The following TRIM66 variants were observed in gnomAD, a reference collection of about 807,000 sequenced individuals.
TRIM66 encodes tripartite motif-containing protein 66.
TRIM66 carries 99 observed loss-of-function variants against 148.2 expected under a neutral mutation model. That is an observed-to-expected ratio of 0.67 (90% confidence interval 0.57 to 0.79). The LOEUF (loss-of-function observed/expected upper bound fraction) is 0.79, where lower values mean the gene tolerates loss of function less well. Among genes scored for constraint, TRIM66 ranks in the 30% least tolerant of loss-of-function variants. The pLI, the probability that TRIM66 is intolerant of heterozygous loss-of-function variation, is 0.00. For missense variants in TRIM66, 1,666 were observed against 1,697.9 expected (o/e 0.98, Z 0.33); for synonymous variants, 616 against 635.9 (o/e 0.97, Z 0.47).
At position 8,615,933 on chromosome 11, in the gene TRIM66, T is replaced by C. The variant is rs2033692449; in HGVS notation, c.*2011A>G. 1 of 152,358 alleles carries C rather than the reference T, an allele frequency of 6.6e-6. No individual in the cohort carries two copies. Among genetic ancestry groups the C allele is most frequent in the Non-Finnish European group, 1.5e-5 (1 of 68,130 alleles). 9.4% of individuals were successfully genotyped at this position (152,358 alleles called of 1,614,324 possible). On this transcript the variant is annotated 3_prime_UTR_variant, in exon 25 of 25. Transcript: ENST00000646038. ...AACAAAGTTCACAGGATGGTGGGAA[T>C]GTGGGCTGCACAAAGGAAAGATGAC...
chr11:8,624,093 A>G (rs1360777733), intron 17 of TRIM66, among the ~76,000 whole-genome samples: 1 of 152,194 alleles, frequency 6.6e-6, no homozygotes, highest in African/African-American at 2.4e-5. Context: ...CCCCCTAGGT[A>G]TAATGCAGAC....
In TRIM66 at chr11:8,679,910, T is replaced by A. The variant is rs1485803777; in HGVS notation, c.-394A>T. The A allele has an allele frequency of 2.6e-5, 4 of 152,300 alleles. No homozygotes were observed. Among genetic ancestry groups the A allele is most frequent in the Non-Finnish European group, 4.4e-5 (3 of 68,108 alleles). The allele number at this position is 152,300 out of a possible 1,614,324, so 9.4% of individuals were successfully genotyped here. On this transcript the variant is annotated 5_prime_UTR_variant, in exon 2 of 25. Coordinates refer to ENST00000646038, the MANE Select transcript of TRIM66 (RefSeq NM_001388022.1). ...GGCCCAGGCTCTGTACCTGACCACC[T>A]ATGCAGCGTCTGACAAGTCACCCAA...
Position 8,649,763 on chromosome 11 carries a change from G to A in TRIM66, c.569C>T (p.Pro190Leu). 6.4e-7 allele frequency: 1 copy of A among 1,551,550 alleles called. No individual in the cohort carries two copies. The highest frequency in any genetic ancestry group is 8.7e-7 in the Non-Finnish European group (1 of 1,147,006). Reference protein sequence around the residue: ...HSPVPGGPFFPRAQKGSPGVN... With the variant: ...HSPVPGGPFFLRAQKGSPGVN... The stretch of plus-strand genomic sequence containing the variant: ...ACCTGGAGATCCCTTCTGGGCCCGA[G>A]GAAAGAATGGGCCCCCGGGGACAGG... Residue 190 changes from proline (P) to leucine (L), a missense_variant, in exon 8 of 25, where the codon CCT becomes CTT. Around this residue, in one of 3 missense-constraint regions of TRIM66, gnomAD observed 1,431 missense variants for 1,412.4 expected, o/e 1.01. Coordinates refer to ENST00000646038, the MANE Select transcript of TRIM66 (RefSeq NM_001388022.1).
At chr11:8,635,060 G>A (rs2035758595) in intron 15 of TRIM66, among the ~76,000 whole-genome samples, 1 of 152,206 alleles carries the variant, frequency 6.6e-6, no homozygotes, top group South Asian at 2.1e-4. Flanking sequence ...TTCAAGGATT[G>A]TAAAGACAGG....
upstream of TRIM66, chr11:8,683,077 C>T (rs1482347616): frequency 1.4e-5 from 15 of 1,076,588 alleles, no homozygotes; most frequent in Non-Finnish European, 2.0e-5. Context: ...TCGGTACCCT[C>T]AGCTTTCCCA....
chr11:8,620,334 C>T (rs2034084890), intron 21 of TRIM66, 112 bp downstream of exon 21: 2 of 1,480,216 alleles, frequency 1.4e-6, no homozygotes, highest in African/African-American at 1.4e-5. Flanking sequence ...AGGCATAGGA[C>T]GAAGAAATGT....
chr11:8,662,053 C>T (rs112329022), intron 6 of TRIM66, among the ~76,000 whole-genome samples: 39 of 152,222 alleles, frequency 2.6e-4, no homozygotes, highest in East Asian at 3.9e-4. Context: ...CCAATTAAGG[C>T]GAGGAAACTG....
At chr11:8,677,396 G>A (rs1330485522) in intron 3 of TRIM66, among the ~76,000 whole-genome samples, 4 of 152,160 alleles carry the variant, frequency 2.6e-5, no homozygotes, top group Non-Finnish European at 2.9e-5. Flanking sequence ...TAAAACGAAT[G>A]AATGAATCTC....
chr11:8,662,505 G>C (rs1236490426), intron 6 of TRIM66, among the ~76,000 whole-genome samples: 4 of 152,062 alleles, frequency 2.6e-5, no homozygotes, highest in Admixed American at 6.5e-5. Context: ...AAGAAGCATC[G>C]GGCTATGGTA....
In TRIM66 at chr11:8,612,057, T is replaced by C. The variant is rs983672081; in HGVS notation, c.*5887A>G. The stretch of plus-strand genomic sequence containing the variant: ...CGCAATTCTTGGTAAAGAAAAGTGC[T>C]GTTTTTTATTTGTTCTTGAATGTAT... On this transcript the variant is annotated 3_prime_UTR_variant, in exon 25 of 25. Coordinates refer to ENST00000646038, the MANE Select transcript of TRIM66 (RefSeq NM_001388022.1). The C allele has an allele frequency of 2.0e-5, 3 of 152,198 alleles. No homozygotes were observed. Among genetic ancestry groups the C allele is most frequent in the African/African-American group, 7.2e-5 (3 of 41,448 alleles). 9.4% of individuals were successfully genotyped at this position (152,198 alleles called of 1,614,324 possible).
chr11:8,630,885 C>T (rs2035329783), intron 15 of TRIM66, among the ~76,000 whole-genome samples: 1 of 152,144 alleles, frequency 6.6e-6, no homozygotes. Flanking sequence ...GACTTTCAAC[C>T]TCTGCTACTA....
chr11:8,626,108 C>T (rs1592033538), intron 15 of TRIM66, among the ~76,000 whole-genome samples: 2 of 152,130 alleles, frequency 1.3e-5, no homozygotes, highest in Admixed American at 6.5e-5. Context: ...GTTGAAGATA[C>T]AGATTTCTGT....
At chr11:8,646,107 A>T (rs2036822792) in intron 11 of TRIM66, among the ~76,000 whole-genome samples, 1 of 152,156 alleles carries the variant, frequency 6.6e-6, no homozygotes, top group African/African-American at 2.4e-5. Context: ...ATGGGTAATA[A>T]ATGAAAGAGG....
intron 6 of TRIM66, among the ~76,000 whole-genome samples, chr11:8,662,443 C>A (rs1293748202): frequency 6.6e-6 from 1 of 152,218 alleles, no homozygotes; most frequent in Non-Finnish European, 1.5e-5. Context: ...GTGATTGCTC[C>A]TCCTTTCAGC....
At chr11:8,650,420 G>T (rs2037254281) in intron 7 of TRIM66, among the ~76,000 whole-genome samples, 1 of 151,190 alleles carries the variant, frequency 6.6e-6, no homozygotes, top group South Asian at 2.1e-4. Flanking sequence ...AGAAGGAGGA[G>T]GAGGAAGAGG....
chr11:8,628,456 T>C (rs1488292471), intron 15 of TRIM66, among the ~76,000 whole-genome samples: 2 of 151,440 alleles, frequency 1.3e-5, no homozygotes, highest in African/African-American at 2.4e-5. Flanking sequence ...CCACAAATGA[T>C]AGAAAAATTA....
chr11:8,620,904 G>A, intron 20 of TRIM66, 128 bp downstream of exon 20: 1 of 1,269,744 alleles, frequency 7.9e-7, no homozygotes, highest in Non-Finnish European at 1.1e-6. Flanking sequence ...TCACAGACCT[G>A]CAATTCAAGC....
intron 15 of TRIM66, among the ~76,000 whole-genome samples, chr11:8,637,988 T>C (rs1419494491): frequency 6.6e-6 from 1 of 152,154 alleles, no homozygotes; most frequent in Non-Finnish European, 1.5e-5. Context: ...GCGAACACTT[T>C]CAGTAAGCTA....
At chr11:8,625,642 C>A (rs928368216) in intron 15 of TRIM66, among the ~76,000 whole-genome samples, 11 of 152,210 alleles carry the variant, frequency 7.2e-5, no homozygotes, top group Middle Eastern at 3.2e-3. Flanking sequence ...GGACTGCCCT[C>A]TAACTTCAAA....
Sources: allele counts gnomAD v4.1 joint callset (sites outside exome capture counted in the v4.1 genomes callset), GRCh38; gene constraint gnomAD v4.1.1; regional missense constraint gnomAD v4.1.1; transcripts MANE v1.5; gene names NCBI Gene and HGNC (gene_info 2026-07-23, HGNC 2026-07-21).